SYNPR: variants seen among roughly 807,000 people sequenced by gnomAD.
SYNPR encodes the protein synaptoporin.
In SYNPR, 23 loss-of-function variants were observed where a neutral mutation model predicts 32.9. The observed-to-expected ratio is 0.70, with a 90% CI of 0.50 to 0.99. The LOEUF (loss-of-function observed/expected upper bound fraction) is 0.99. SYNPR is among the 50% of genes least tolerant of loss of function. The probability of loss-of-function intolerance (pLI) is 0.00; values close to 1 mark genes in which losing one functional copy is unlikely to be tolerated. For synonymous variants in SYNPR, 146 were observed against 135.9 expected (o/e 1.07, Z -0.52); for missense variants, 318 against 349.3 (o/e 0.91, Z 0.71).
intron 2 of SYNPR, among the ~76,000 whole-genome samples, chr3:63,313,195 T>G (rs2086986895): frequency 1.3e-5 from 2 of 151,968 alleles, no homozygotes; most frequent in Admixed American, 1.3e-4. Flanking sequence ...CCACTTCAGT[T>G]GAAGAAAGGT....
chr3:63,442,745 G>A (rs1700202782), intron 2 of SYNPR, among the ~76,000 whole-genome samples: 1 of 152,174 alleles, frequency 6.6e-6, no homozygotes, highest in East Asian at 1.9e-4. Context: ...ACAGTTGCCA[G>A]AGCCTTAAAA....
chr3:63,610,280 T>C (rs915333036), intron 5 of SYNPR, among the ~76,000 whole-genome samples: 3 of 152,192 alleles, frequency 2.0e-5, no homozygotes, highest in African/African-American at 7.2e-5. Flanking sequence ...ATTGGATTTT[T>C]AATTTATAAG....
intron 3 of SYNPR, among the ~76,000 whole-genome samples, chr3:63,510,132 C>A (rs558672504): frequency 6.6e-6 from 1 of 152,098 alleles, no homozygotes; most frequent in East Asian, 1.9e-4. Context: ...AAGGGGGGAA[C>A]AAAAATTACC....
chr3:63,206,538 G>A, the SYNPR span, among the ~76,000 whole-genome samples: 1 of 152,046 alleles, frequency 6.6e-6, no homozygotes, highest in Non-Finnish European at 1.5e-5. Flanking sequence ...TCCAGCCTGG[G>A]TGACAGAGTG....
chr3:63,607,304 A>C (rs1428655057), intron 4 of SYNPR, among the ~76,000 whole-genome samples: 1 of 152,238 alleles, frequency 6.6e-6, no homozygotes, highest in Non-Finnish European at 1.5e-5. Flanking sequence ...GCATGAATGA[A>C]TGAAGGTACC....
chr3:63,483,948 G>A (rs1474989390), intron 3 of SYNPR, among the ~76,000 whole-genome samples: 2 of 152,238 alleles, frequency 1.3e-5, no homozygotes, highest in South Asian at 2.1e-4. Context: ...ATTGCAAAGA[G>A]CAAAAGGACA....
chr3:63,536,297 TG>T (rs1702205454), intron 3 of SYNPR, among the ~76,000 whole-genome samples: 1 of 152,058 alleles, frequency 6.6e-6, no homozygotes, highest in Non-Finnish European at 1.5e-5. Flanking sequence ...AGTTTTAAAA[TG>T]GGCAAAGAAC....
At chr3:63,248,679 G>T (rs530343173) in intron 1 of SYNPR, among the ~76,000 whole-genome samples, 1 of 152,216 alleles carries the variant, frequency 6.6e-6, no homozygotes, top group African/African-American at 2.4e-5. Flanking sequence ...TTGAGACAGT[G>T]ACAACATAAG....
intron 2 of SYNPR, chr3:63,443,129 C>T: frequency 1.7e-6 from 2 of 1,147,286 alleles, no homozygotes; most frequent in Non-Finnish European, 2.2e-6. Flanking sequence ...TGGGAGCTCA[C>T]CATGGTGGCA....
intron 2 of SYNPR, among the ~76,000 whole-genome samples, chr3:63,381,655 C>T (rs1272419196): frequency 6.6e-6 from 1 of 152,094 alleles, no homozygotes. Flanking sequence ...TCTGTTCTTC[C>T]AATCTCTTTC....
chr3:63,595,844 GTT>G (rs1491301167), intron 4 of SYNPR, among the ~76,000 whole-genome samples: 2 of 49,882 alleles, frequency 4.0e-5, no homozygotes, highest in East Asian at 6.2e-4. Flanking sequence ...TATATATATA[GTT>G]TTATATATAT....
intron 3 of SYNPR, among the ~76,000 whole-genome samples, chr3:63,519,830 A>T (rs986032227): frequency 6.6e-6 from 1 of 152,240 alleles, no homozygotes; most frequent in Non-Finnish European, 1.5e-5. Context: ...CAAAAAGTGA[A>T]ATATGAGATT....
chr3:63,350,445 T>A (rs1041170642), intron 2 of SYNPR, among the ~76,000 whole-genome samples: 2 of 152,162 alleles, frequency 1.3e-5, no homozygotes. Context: ...AAGTGGGACT[T>A]CAGACTATAT....
At chr3:63,456,329 T>A (rs1700480607) in intron 2 of SYNPR, among the ~76,000 whole-genome samples, 1 of 152,080 alleles carries the variant, frequency 6.6e-6, no homozygotes, top group South Asian at 2.1e-4. Context: ...TCATTTAGAA[T>A]TCACACTCCG....
At chr3:63,563,661 T>G (rs140409894) in intron 4 of SYNPR, among the ~76,000 whole-genome samples, 2 of 152,262 alleles carry the variant, frequency 1.3e-5, no homozygotes, top group East Asian at 1.9e-4. Flanking sequence ...AGGTAATAAG[T>G]GTCTTCAACA....
chr3:63,225,223 A>T (rs566294290), upstream of SYNPR, among the ~76,000 whole-genome samples: 4 of 152,322 alleles, frequency 2.6e-5, no homozygotes, highest in South Asian at 8.3e-4. Context: ...TTGACACAGC[A>T]TCAATAAGTG....
At chr3:63,408,256 AG>A (rs2088400927) in intron 2 of SYNPR, among the ~76,000 whole-genome samples, 6 of 123,986 alleles carry the variant, frequency 4.8e-5, no homozygotes, top group African/African-American at 2.1e-4. Flanking sequence ...AAAGAAAGAA[AG>A]AAAGAAAGAA....
chr3:63,491,067 G>A (rs758145230), intron 3 of SYNPR, among the ~76,000 whole-genome samples: 11 of 152,158 alleles, frequency 7.2e-5, no homozygotes, highest in East Asian at 3.9e-4. Context: ...TTCCATCACC[G>A]TGTCAGCAGT....
Position 63,581,719 on chromosome 3 carries a change from A to C in SYNPR, c.408+24978A>C, listed in dbSNP as rs571380742. Among the ~76,000 whole-genome samples, 8 of 152,138 alleles carry C rather than the reference A, an allele frequency of 5.3e-5. No individual in the cohort carries two copies. The East Asian group carries it at 1.6e-3, about 30-fold the overall frequency. ...AACACCTTTATGCATGCACAAAAGC[A>C]AGGGCACCACTCACTCCAGGAGACT... On this transcript the variant is annotated intron_variant, in intron 4 of 5. Transcript: ENST00000478300.
Sources: allele counts gnomAD v4.1 joint callset (sites outside exome capture counted in the v4.1 genomes callset), GRCh38; gene constraint gnomAD v4.1.1; transcripts MANE v1.5; gene names NCBI Gene and HGNC (gene_info 2026-07-23, HGNC 2026-07-21).